Variants in SNHG17 observed in about 807,000 individuals in gnomAD.
SNHG17 encodes the protein small nucleolar RNA host gene 17.
intron 5 of SNHG17, among the ~76,000 whole-genome samples, chr20:38,425,657 G>A (rs1322476911): frequency 6.6e-6 from 1 of 152,170 alleles, no homozygotes; most frequent in Non-Finnish European, 1.5e-5. Flanking sequence ...ACCACAGTTT[G>A]AGAACCACTA....
At chr20:38,432,309 G>GC in intron 2 of SNHG17, 1 of 357,610 alleles carries the variant, frequency 2.8e-6, no homozygotes, top group Non-Finnish European at 3.9e-6. Flanking sequence ...TTGAATTTGT[G>GC]ATCCTGAAGC....
In SNHG17 at chr20:38,433,365, A is replaced by C. The variant is rs147005381; in HGVS notation, n.308+1139T>G. Among the ~76,000 whole-genome samples, 435 of 152,264 alleles carry C rather than the reference A, an allele frequency of 2.9e-3. 2 individuals carry two copies. Among genetic ancestry groups the C allele is most frequent in the African/African-American group, 0.01 (416 of 41,566 alleles). On this transcript the variant is annotated intron_variant and non_coding_transcript_variant, in intron 2 of 8. Coordinates refer to ENST00000654008, the Ensembl canonical transcript of SNHG17. Reference sequence around the variant, plus strand: ...GTCAAGAGACAGGACTCAGATACTGAGACAGGCGAAGTGGCTCACACCTGT... The same window carrying C: ...GTCAAGAGACAGGACTCAGATACTGCGACAGGCGAAGTGGCTCACACCTGT...
rs968017871 is a variant in SNHG17 at position 38,422,841 on chromosome 20, A to G, written n.580-600T>C. ...CGCGGTGGCTCACACCTGTAATCCCAGTACTTTGGGGGGCCGAGGTGGGTG... is the reference window on the plus strand; with the variant it reads ...CGCGGTGGCTCACACCTGTAATCCCGGTACTTTGGGGGGCCGAGGTGGGTG... On this transcript the variant is annotated intron_variant and non_coding_transcript_variant, in intron 5 of 8. Coordinates refer to ENST00000654008, the Ensembl canonical transcript of SNHG17. Among the ~76,000 whole-genome samples, 4 of 152,214 alleles carry G rather than the reference A, an allele frequency of 2.6e-5. No individual in the cohort carries two copies. The East Asian group carries it at 7.7e-4, about 29-fold the overall frequency.
intron 1 of SNHG17, chr20:38,435,063 G>T: frequency 8.1e-7 from 1 of 1,231,932 alleles, no homozygotes; most frequent in Non-Finnish European, 1.0e-6. Flanking sequence ...CGAATCCTGG[G>T]GGGCTCACTC....
intron 5 of SNHG17, among the ~76,000 whole-genome samples, chr20:38,422,724 T>A (rs898152817): frequency 2.0e-5 from 3 of 152,008 alleles, no homozygotes; most frequent in Admixed American, 1.3e-4. Flanking sequence ...CATCAACAGA[T>A]GAATGGAAAA....
At chr20:38,430,465 G>GA (rs1363514775) in intron 3 of SNHG17, among the ~76,000 whole-genome samples, 2 of 148,724 alleles carry the variant, frequency 1.3e-5, no homozygotes, top group Non-Finnish European at 3.0e-5. Flanking sequence ...ACTAAAAATA[G>GA]AAAAAATTAG....
chr20:38,433,284 G>A (rs974634157), intron 2 of SNHG17, among the ~76,000 whole-genome samples: 2 of 152,148 alleles, frequency 1.3e-5, no homozygotes, highest in Non-Finnish European at 2.9e-5. Context: ...CCCATCTCCT[G>A]TTTTTCATTT....
chr20:38,432,311 T>A, intron 2 of SNHG17: 1 of 346,938 alleles, frequency 2.9e-6, no homozygotes, highest in Non-Finnish European at 4.1e-6. Flanking sequence ...GAATTTGTGA[T>A]CCTGAAGCAG....
intron 3 of SNHG17, chr20:38,427,304 G>A (rs1299746133): frequency 2.0e-6 from 1 of 502,488 alleles, no homozygotes; most frequent in Non-Finnish European, 4.0e-6. Context: ...GAGAGCAACA[G>A]GAGTTGTGTG....
chr20:38,434,919 C>A, intron 1 of SNHG17: 1 of 1,223,916 alleles, frequency 8.2e-7, no homozygotes, highest in South Asian at 4.3e-5. Flanking sequence ...GCCCTGTTTC[C>A]CGCCATCCAG....
At chr20:38,422,103 T>C (rs1439283995) in exon 6 of SNHG17, 1 of 152,274 alleles carries the variant, frequency 6.6e-6, no homozygotes, top group African/African-American at 2.4e-5. Flanking sequence ...CACGCAGATT[T>C]CCGGAGGCTC....
At chr20:38,425,933 A>C (rs1389486269) in intron 5 of SNHG17, 1 of 152,102 alleles carries the variant, frequency 6.6e-6, no homozygotes, top group Non-Finnish European at 1.5e-5. Flanking sequence ...AGCAGCACGT[A>C]CCTGTGGTCC....
At chr20:38,435,133 C>A in intron 1 of SNHG17, 1 of 1,232,330 alleles carries the variant, frequency 8.1e-7, no homozygotes, top group Non-Finnish European at 1.0e-6. Flanking sequence ...GCCGCCTTCC[C>A]CGGGGCCTCA....
At chr20:38,422,670 G>A (rs933840506) in intron 5 of SNHG17, among the ~76,000 whole-genome samples, 3 of 152,106 alleles carry the variant, frequency 2.0e-5, no homozygotes, top group African/African-American at 2.4e-5. Context: ...TATTCACTGC[G>A]GCATTACTCC....
At chr20:38,432,262 T>A (rs528928051) in intron 2 of SNHG17, 12 of 666,598 alleles carry the variant, frequency 1.8e-5, no homozygotes, top group Non-Finnish European at 2.2e-5. Flanking sequence ...GAACCAGTCA[T>A]CAGGGACAGC....
At chr20:38,429,653 T>G in intron 3 of SNHG17, 1 of 484,928 alleles carries the variant, frequency 2.1e-6, no homozygotes, top group Non-Finnish European at 4.1e-6. Flanking sequence ...ATCTAAGACG[T>G]GGTGGGAGGG....
At chr20:38,427,232 C>T (rs707578) in intron 3 of SNHG17, 92,360 of 367,526 alleles carry the variant, frequency 0.25, 14,891 homozygotes, top group African/African-American at 0.57. Flanking sequence ...AAGCATGATG[C>T]CCCCCCGCAC....
chr20:38,431,851 G>T (rs2084346746), intron 2 of SNHG17, among the ~76,000 whole-genome samples: 1 of 152,166 alleles, frequency 6.6e-6, no homozygotes, highest in Admixed American at 6.5e-5. Flanking sequence ...ATGTATTCAT[G>T]ATGGCCCCAA....
chr20:38,427,347 C>T (rs771955442), intron 3 of SNHG17: 1 of 518,120 alleles, frequency 1.9e-6, no homozygotes, highest in South Asian at 1.4e-5. Flanking sequence ...ATAGGGTGGA[C>T]CCTCCAAACA....
Sources: gnomAD v4.1 joint callset for allele counts (sites outside exome capture counted in the v4.1 genomes callset) on GRCh38, gnomAD v4.1.1 for gene constraint, MANE v1.5 for transcripts, NCBI Gene and HGNC (gene_info 2026-07-23, HGNC 2026-07-21) for gene names.